SNRNP200: variants seen among roughly 807,000 people sequenced by gnomAD.
The protein encoded by SNRNP200 is small nuclear ribonucleoprotein U5 subunit 200.
In SNRNP200, 66 loss-of-function variants were observed where a neutral mutation model predicts 255.2. That is an observed-to-expected ratio of 0.26 (90% CI 0.21 to 0.32). The LOEUF is 0.32. Among genes scored for constraint, SNRNP200 ranks in the 10% least tolerant of loss-of-function variants. SNRNP200 has a pLI of 1.00. For synonymous variants in SNRNP200, 939 were observed against 1,027.8 expected, an observed-to-expected ratio of 0.91 and a Z score of 1.65; for missense variants, 1,585 against 2,749.8, an observed-to-expected ratio of 0.58 and a Z score of 9.47.
chr2:96,301,183 T>G, intron 4 of SNRNP200, 130 bp from the exon 5 acceptor site: 2 of 811,844 alleles, frequency 2.5e-6, no homozygotes, highest in South Asian at 2.8e-5. Context: ...TACAGATACT[T>G]AGATGATCAA....
At position 96,278,109 on chromosome 2, in the gene SNRNP200, C is replaced by T. The variant is rs759508821; in HGVS notation, c.5610+128G>A. ...AGATGGGTTTGAGGGAGGTATGGAG[C>T]GGGAGGACATATGGCGGGGGTCGGG... On this transcript the variant is annotated intron_variant, in intron 39 of 44. Coordinates refer to ENST00000323853, the MANE Select transcript of SNRNP200 (RefSeq NM_014014.5). The surrounding 1 kb of genome is among the most constrained non-coding windows in gnomAD (Gnocchi z 6.9). 1.2e-5 allele frequency: 19 copies of T among 1,530,426 alleles called. No individual in the cohort carries two copies. The highest frequency in any genetic ancestry group is 4.5e-5 in the East Asian group (2 of 44,520). 94.8% of individuals were successfully genotyped at this position (1,530,426 alleles called of 1,614,324 possible).
At chr2:96,275,209 C>T (rs764009822) in intron 44 of SNRNP200, 48 bp downstream of exon 44, 11 of 1,614,018 alleles carry the variant, frequency 6.8e-6, no homozygotes, top group Non-Finnish European at 9.3e-6. Context: ...AGCATTCTCA[C>T]CCTTCCCCCA....
chr2:96,298,083 G>A (rs991717173), intron 9 of SNRNP200, among the ~76,000 whole-genome samples: 1 of 152,238 alleles, frequency 6.6e-6, no homozygotes, highest in African/African-American at 2.4e-5. Context: ...CAGTGCTGGT[G>A]AAAGATAGCA....
chr2:96,301,113 T>C (rs997374630), intron 4 of SNRNP200, 60 bp from the exon 5 acceptor site: 7 of 1,387,242 alleles, frequency 5.0e-6, no homozygotes, highest in Non-Finnish European at 7.2e-6. Flanking sequence ...CAAGGCACTC[T>C]GGAGCCAATG....
intron 5 of SNRNP200, among the ~76,000 whole-genome samples, 194 bp from the exon 6 acceptor site, chr2:96,299,621 A>G (rs57801404): frequency 0.026 from 3,893 of 152,270 alleles, 144 homozygotes; most frequent in African/African-American, 0.085. Context: ...CTTATTAGAT[A>G]TATCTACTTT....
intron 21 of SNRNP200, 67 bp from the exon 22 acceptor site, chr2:96,289,446 T>C: frequency 9.1e-6 from 14 of 1,542,366 alleles, no homozygotes; most frequent in Non-Finnish European, 1.3e-5. Context: ...CTGTGGACCA[T>C]AAGTTACTGT....
chr2:96,301,882 CTT>C (rs1558772592), intron 3 of SNRNP200, among the ~76,000 whole-genome samples, 166 bp from the exon 4 acceptor site: 1 of 152,178 alleles, frequency 6.6e-6, no homozygotes, highest in East Asian at 1.9e-4. Flanking sequence ...TAAAGGAAGA[CTT>C]GTCTGTTTTT....
intron 13 of SNRNP200, among the ~76,000 whole-genome samples, chr2:96,296,130 C>CA (rs374467333): frequency 9.9e-4 from 148 of 149,278 alleles, no homozygotes; most frequent in African/African-American, 2.7e-3. Flanking sequence ...GACCCTGTCT[C>CA]AAAAAAAAAG....
At position 96,275,250 on chromosome 2, in the gene SNRNP200, C is replaced by T. The variant is rs748455344; in HGVS notation, c.6267+7G>A. 73 of 1,613,966 alleles carry T rather than the reference C, an allele frequency of 4.5e-5. No individual in the cohort carries two copies. In the Middle Eastern group the frequency reaches 4.9e-4, roughly 11 times the overall value. ...GAACAAATGCTAGGGCCAGTGGACA[C>T]ACTCACCTTGGCCTTCTGCTGCAAG... On this transcript the variant is annotated splice_region_variant and intron_variant, in intron 44 of 44. Transcript: ENST00000323853.
intron 43 of SNRNP200, chr2:96,276,647 C>T: frequency 4.0e-6 from 2 of 496,298 alleles, no homozygotes; most frequent in Non-Finnish European, 7.6e-6. Flanking sequence ...GTCTCGAACT[C>T]CTGACCTCGT....
chr2:96,276,799 CAGTCT>C (rs1371842894), intron 43 of SNRNP200, 100 bp downstream of exon 43: 1 of 1,000,644 alleles, frequency 1.0e-6, no homozygotes, highest in Non-Finnish European at 1.6e-6. Context: ...AGCTGATTAT[CAGTCT>C]AAAGTTTCCC....
intron 10 of SNRNP200, 25 bp from the exon 11 acceptor site, chr2:96,297,561 C>A: frequency 1.2e-6 from 2 of 1,614,120 alleles, no homozygotes; most frequent in Non-Finnish European, 8.5e-7. Flanking sequence ...GACAAAAACA[C>A]AAAGGAAGTA....
chr2:96,304,664 T>G (rs575456556), intron 2 of SNRNP200, 41 bp downstream of exon 2: 52 of 1,613,218 alleles, frequency 3.2e-5, no homozygotes, highest in East Asian at 1.6e-4. Context: ...GGGAAGAGAC[T>G]TTGGATCTGA....
Position 96,284,071 on chromosome 2 carries a change from T to TG in SNRNP200, c.4393-68_4393-67insC. On this transcript the variant is annotated intron_variant, in intron 31 of 44. Coordinates refer to ENST00000323853, the MANE Select transcript of SNRNP200 (RefSeq NM_014014.5). Reference sequence around the variant, plus strand: ...TCCCATCCTCTGCCTGGAGGTCCCCTTTGTGAACAGCCCAACAGCCTCAAA... The same window carrying TG: ...TCCCATCCTCTGCCTGGAGGTCCCCTGTTGTGAACAGCCCAACAGCCTCAAA... The TG allele has an allele frequency of 1.3e-5, 19 of 1,437,428 alleles. No individual in the cohort carries two copies. The South Asian group carries it at 2.1e-4, about 16-fold the overall frequency. The allele number at this position is 1,437,428 out of a possible 1,614,324, so 89.0% of individuals were successfully genotyped here.
Position 96,299,413 on chromosome 2 carries a change from G to A in SNRNP200, c.645C>T (p.Asp215=), listed in dbSNP as rs1439987652. ...FESDEEEGDE[D]VYGEVREEAS... Reference sequence around the variant, plus strand: ...CCTCTTCTCGAACCTCCCCGTATACGTCTTCATCACCTTCCTGTGGAAATG... The same window carrying A: ...CCTCTTCTCGAACCTCCCCGTATACATCTTCATCACCTTCCTGTGGAAATG... The change falls in exon 6 of 45, where the codon GAC becomes GAT. Residue 215 remains aspartate (D), a synonymous_variant. Transcript: ENST00000323853. The A allele has an allele frequency of 7.4e-6, 12 of 1,613,600 alleles. No homozygotes were observed. Among genetic ancestry groups the A allele is most frequent in the Admixed American group, 3.3e-5 (2 of 59,980 alleles).
At chr2:96,301,487 C>A in intron 4 of SNRNP200, 37 bp downstream of exon 4, 1 of 1,604,940 alleles carries the variant, frequency 6.2e-7, no homozygotes. Flanking sequence ...TCAACAACAA[C>A]CAATGAACAT....
At chr2:96,302,591 C>T (rs555911161) in intron 3 of SNRNP200, among the ~76,000 whole-genome samples, 1 of 152,292 alleles carries the variant, frequency 6.6e-6, no homozygotes, top group Admixed American at 6.5e-5. Context: ...CACTAACTAC[C>T]TGGAGATAGC....
chr2:96,283,760 T>C lies in SNRNP200; in HGVS notation c.4585-47A>G. 1.9e-6 allele frequency: 3 copies of C among 1,613,914 alleles called. No individual in the cohort carries two copies. The highest frequency in any genetic ancestry group is 2.5e-6 in the Non-Finnish European group (3 of 1,179,976). ...AGACACCAAGGTTATCAGACCTGGG[T>C]CACTCAGGATCTATGTGACACCCCA... On this transcript the variant is annotated intron_variant, in intron 32 of 44. Transcript: ENST00000323853. This position sits in a 1 kb window ranked among gnomAD's most constrained non-coding sequence, Gnocchi z 4.7.
rs751447162 is a variant in SNRNP200 at position 96,283,738 on chromosome 2, CA to C, written c.4585-26del. The C allele has an allele frequency of 6.2e-6, 10 of 1,613,954 alleles. No individual in the cohort carries two copies. Among genetic ancestry groups the C allele is most frequent in the Non-Finnish European group, 8.5e-6 (10 of 1,180,044 alleles). On this transcript the variant is annotated intron_variant, in intron 32 of 44. Transcript: ENST00000323853. The surrounding 1 kb of genome is among the most constrained non-coding windows in gnomAD (Gnocchi z 4.7). Reference sequence around the variant, plus strand: ...CCTGGCGACCGGGGAGAAGAAAAGACACCAAGGTTATCAGACCTGGGTCACT... The same window carrying C: ...CCTGGCGACCGGGGAGAAGAAAAGACCCAAGGTTATCAGACCTGGGTCACT...
Sources: gnomAD v4.1 joint callset for allele counts (sites outside exome capture counted in the v4.1 genomes callset) on GRCh38, gnomAD v4.1.1 for gene constraint, Gnocchi (gnomAD v3.1) non-coding constraint, MANE v1.5 for transcripts, NCBI Gene and HGNC (gene_info 2026-07-23, HGNC 2026-07-21) for gene names.